Variants in NLGN1 observed in about 807,000 individuals in gnomAD.
The protein encoded by NLGN1 is neuroligin-1.
In NLGN1, 12 loss-of-function variants were observed where a neutral mutation model predicts 65.5. The ratio of observed to expected loss-of-function variants is 0.18; its 90% CI spans 0.12 to 0.30. The LOEUF (loss-of-function observed/expected upper bound fraction) is 0.30. Among genes scored for constraint, NLGN1 ranks in the 10% least tolerant of loss-of-function variants. The probability of loss-of-function intolerance (pLI) is 1.00; values close to 1 mark genes in which losing one functional copy is unlikely to be tolerated. For missense variants in NLGN1, 750 were observed against 1,007.1 expected, an observed-to-expected ratio of 0.74 and a Z score of 3.46; for synonymous variants, 350 against 359.5, an observed-to-expected ratio of 0.97 and a Z score of 0.30.
At chr3:173,812,936 T>A (rs1291979684) in intron 4 of NLGN1, among the ~76,000 whole-genome samples, 1 of 150,226 alleles carries the variant, frequency 6.7e-6, no homozygotes, top group Non-Finnish European at 1.5e-5. Context: ...TCACTATAGT[T>A]GAGGAGAAAA....
At chr3:173,872,085 G>C (rs1042620717) in intron 4 of NLGN1, among the ~76,000 whole-genome samples, 1 of 152,090 alleles carries the variant, frequency 6.6e-6, no homozygotes, top group Non-Finnish European at 1.5e-5. Flanking sequence ...CACGAGGGAT[G>C]CACTGGAAAG....
At chr3:174,043,200 A>G (rs1377841026) in intron 4 of NLGN1, among the ~76,000 whole-genome samples, 1 of 152,182 alleles carries the variant, frequency 6.6e-6, no homozygotes, top group Non-Finnish European at 1.5e-5. Flanking sequence ...TATGGGAACT[A>G]CAATTCAAGA....
chr3:174,024,587 C>T (rs1196674890), intron 4 of NLGN1, among the ~76,000 whole-genome samples: 2 of 152,048 alleles, frequency 1.3e-5, no homozygotes, highest in Non-Finnish European at 1.5e-5. Flanking sequence ...CTGTAGAACT[C>T]ATCCAAGGCA....
At chr3:173,443,609 T>C (rs1719631211) in intron 2 of NLGN1, among the ~76,000 whole-genome samples, 1 of 152,112 alleles carries the variant, frequency 6.6e-6, no homozygotes, top group African/African-American at 2.4e-5. Flanking sequence ...ACTTTTGGTA[T>C]TTAATTTTCA....
intron 3 of NLGN1, among the ~76,000 whole-genome samples, chr3:173,786,099 G>A (rs1413115335): frequency 6.6e-6 from 1 of 152,116 alleles, no homozygotes; most frequent in Non-Finnish European, 1.5e-5. Context: ...AAGAGGGTTA[G>A]TAAATGTCAT....
intron 3 of NLGN1, among the ~76,000 whole-genome samples, chr3:173,713,578 G>C (rs80221159): frequency 6.6e-6 from 1 of 151,856 alleles, no homozygotes; most frequent in African/African-American, 2.4e-5. Flanking sequence ...ATTATAATAA[G>C]CCTATGTTCT....
At chr3:173,820,046 G>A (rs1719915830) in intron 4 of NLGN1, among the ~76,000 whole-genome samples, 1 of 152,096 alleles carries the variant, frequency 6.6e-6, no homozygotes, top group South Asian at 2.1e-4. Flanking sequence ...TGGGCGTGGT[G>A]GCTGCGCCTG....
At position 174,021,903 on chromosome 3, in the gene NLGN1, G is replaced by C. The variant is rs546388297; in HGVS notation, c.646+214071G>C. 2.2e-4 allele frequency among the ~76,000 whole-genome samples: 34 copies of C among 152,254 alleles called. No individual in the cohort carries two copies. The Middle Eastern group carries it at 0.017, about 76-fold the overall frequency. ...GGGCAATCTCCAGCTCTCTGTGAAG[G>C]GTCCTTGAACATTTTCTTTCAAGAG... On this transcript the variant is annotated intron_variant, in intron 4 of 6. Transcript: ENST00000457714.
intron 4 of NLGN1, among the ~76,000 whole-genome samples, chr3:173,945,896 T>C (rs944145412): frequency 6.6e-6 from 1 of 152,178 alleles, no homozygotes; most frequent in African/African-American, 2.4e-5. Context: ...CCTGTGAAAA[T>C]AGACTGTGCT....
At chr3:174,150,003 C>A (rs537848714) in intron 4 of NLGN1, among the ~76,000 whole-genome samples, 3 of 152,090 alleles carry the variant, frequency 2.0e-5, no homozygotes, top group Non-Finnish European at 4.4e-5. Flanking sequence ...TAATCTCCAA[C>A]ATTTTACTAC....
intron 2 of NLGN1, among the ~76,000 whole-genome samples, chr3:173,577,637 A>G (rs1745709982): frequency 6.6e-6 from 1 of 152,364 alleles, no homozygotes; most frequent in Non-Finnish European, 1.5e-5. Flanking sequence ...TTATGCATTG[A>G]ATGTAACATA....
At chr3:174,187,027 T>C (rs936216191) in intron 4 of NLGN1, among the ~76,000 whole-genome samples, 5 of 152,108 alleles carry the variant, frequency 3.3e-5, no homozygotes, top group African/African-American at 1.2e-4. Flanking sequence ...GTATACTTTA[T>C]ATTATCTCTA....
intron 2 of NLGN1, among the ~76,000 whole-genome samples, chr3:173,562,027 C>T (rs369369325): frequency 7.9e-5 from 12 of 151,860 alleles, no homozygotes; most frequent in East Asian, 5.8e-4. Context: ...TTTTTGTTTT[C>T]GTTTGTTTGT....
At chr3:174,290,905 GAAATT>G (rs1370394292), downstream of NLGN1, among the ~76,000 whole-genome samples, 1 of 150,422 alleles carries the variant, frequency 6.6e-6, no homozygotes, top group East Asian at 2.0e-4. Context: ...TTGAGAGAGA[GAAATT>G]AGATAAACTA....
At chr3:173,527,180 G>A (rs372688909) in intron 2 of NLGN1, among the ~76,000 whole-genome samples, 1 of 152,188 alleles carries the variant, frequency 6.6e-6, no homozygotes, top group Non-Finnish European at 1.5e-5. Context: ...GACAGCAACA[G>A]TGTATGAGGG....
intron 2 of NLGN1, among the ~76,000 whole-genome samples, chr3:173,447,878 T>C (rs1369294330): frequency 5.3e-5 from 8 of 152,230 alleles, no homozygotes; most frequent in Non-Finnish European, 8.8e-5. Context: ...TATTGGTGTG[T>C]ATAAGAATGC....
At chr3:173,973,909 A>G (rs572858384) in intron 4 of NLGN1, among the ~76,000 whole-genome samples, 3 of 152,112 alleles carry the variant, frequency 2.0e-5, no homozygotes, top group Admixed American at 6.6e-5. Flanking sequence ...ATGTAATAAA[A>G]TACCCTAATG....
At chr3:173,568,394 TG>T (rs1431005816) in intron 2 of NLGN1, among the ~76,000 whole-genome samples, 5 of 151,706 alleles carry the variant, frequency 3.3e-5, no homozygotes, top group Non-Finnish European at 2.9e-5. Flanking sequence ...CCACCAGGCC[TG>T]GCTAATTTTT....
intron 2 of NLGN1, among the ~76,000 whole-genome samples, chr3:173,450,727 A>G (rs777119190): frequency 2.6e-5 from 4 of 152,214 alleles, no homozygotes; most frequent in Non-Finnish European, 5.9e-5. Context: ...GTCTTTTCAC[A>G]TAGTCCCGTA....
Sources: gnomAD v4.1 joint callset for allele counts (sites outside exome capture counted in the v4.1 genomes callset) on GRCh38, gnomAD v4.1.1 for gene constraint, MANE v1.5 for transcripts, NCBI Gene and HGNC (gene_info 2026-07-23, HGNC 2026-07-21) for gene names.